ALDH5A1: variants seen among roughly 807,000 people sequenced by gnomAD.
The protein encoded by ALDH5A1 is succinate-semialdehyde dehydrogenase, mitochondrial.
A neutral mutation model predicts 54.7 loss-of-function variants in ALDH5A1; 33 were observed. The observed-to-expected ratio is 0.60, with a 90% CI of 0.46 to 0.81. The LOEUF is 0.81. Among genes scored for constraint, ALDH5A1 ranks in the 30% least tolerant of loss-of-function variants. The pLI, the probability that ALDH5A1 is intolerant of heterozygous loss-of-function variation, is 0.00. For missense variants in ALDH5A1, 657 were observed against 711.0 expected, an observed-to-expected ratio of 0.92 and a Z score of 0.86; for synonymous variants, 294 against 292.7, an observed-to-expected ratio of 1.00 and a Z score of -0.05.
intron 4 of ALDH5A1, among the ~76,000 whole-genome samples, chr6:24,506,587 A>T (rs1759363478): frequency 6.6e-6 from 1 of 152,150 alleles, no homozygotes; most frequent in African/African-American, 2.4e-5. Flanking sequence ...AAATGACTGA[A>T]TTAATATTCT....
intron 4 of ALDH5A1, 136 bp from the exon 5 acceptor site, chr6:24,515,031 G>A: frequency 1.2e-6 from 1 of 844,438 alleles, no homozygotes; most frequent in Non-Finnish European, 1.9e-6. Context: ...TATATTCTTA[G>A]TCTGTCCCCA....
In ALDH5A1 at chr6:24,533,635, G is replaced by A. The variant is rs377658514; in HGVS notation, c.1531G>A (p.Gly511Ser). 5.6e-5 allele frequency: 90 copies of A among 1,613,938 alleles called. No individual in the cohort carries two copies. The African/African-American group carries it at 9.9e-4, about 18-fold the overall frequency. Reference protein sequence around the residue: ...ECPFGGVKQSGLGREGSKYGI... With the variant: ...ECPFGGVKQSSLGREGSKYGI... Reference sequence around the variant, plus strand: ...CCCTTTTGGTGGAGTGAAGCAGTCCGGCCTTGGGCGAGAGGGGTCCAAGTA... The same window carrying A: ...CCCTTTTGGTGGAGTGAAGCAGTCCAGCCTTGGGCGAGAGGGGTCCAAGTA... Residue 511 changes from glycine (G) to serine (S), a missense_variant, in exon 10 of 10, where the codon GGC becomes AGC. Gly to Ser is a moderately conservative substitution (Grantham distance 56). Around this residue, in one of 2 missense-constraint regions of ALDH5A1, gnomAD observed 425 missense variants for 516.4 expected, o/e 0.82. Transcript: ENST00000357578.
intron 1 of ALDH5A1, among the ~76,000 whole-genome samples, chr6:24,495,835 C>CATGATTCTCTCCCAGAATCATG (rs1483258466): frequency 6.6e-6 from 1 of 152,114 alleles, no homozygotes; most frequent in Non-Finnish European, 1.5e-5. Context: ...GGATCGGAAA[C>CATGATTCTCTCCCAGAATCATG]GGAGAGAACT....
intron 5 of ALDH5A1, among the ~76,000 whole-genome samples, chr6:24,516,243 T>C (rs1485491164): frequency 6.6e-6 from 1 of 151,850 alleles, no homozygotes; most frequent in African/African-American, 2.4e-5. Context: ...AAGACCATCC[T>C]GGCTAACACG....
chr6:24,523,017 G>T (rs1033094964), intron 7 of ALDH5A1, 92 bp downstream of exon 7: 42 of 470,936 alleles, frequency 8.9e-5, no homozygotes, highest in East Asian at 2.0e-4. Flanking sequence ...GAGGGGTGGG[G>T]ATAGAGAGGG....
chr6:24,507,130 T>A (rs889024441), intron 4 of ALDH5A1, among the ~76,000 whole-genome samples: 2 of 152,226 alleles, frequency 1.3e-5, no homozygotes, highest in East Asian at 3.9e-4. Context: ...TAGACTTAGT[T>A]GAACAAGCAG....
rs1332983955 is a variant in ALDH5A1 at position 24,509,941 on chromosome 6, G to A, written c.726+4956G>A. Among the ~76,000 whole-genome samples the A allele has an allele frequency of 6.6e-6, 1 of 151,906 alleles. No individual in the cohort carries two copies. Among genetic ancestry groups the A allele is most frequent in the Non-Finnish European group, 1.5e-5 (1 of 67,982 alleles). On this transcript the variant is annotated intron_variant, in intron 4 of 9. Coordinates refer to ENST00000357578, the MANE Select transcript of ALDH5A1 (RefSeq NM_001080.3). The surrounding 1 kb of genome is among the most constrained non-coding windows in gnomAD (Gnocchi z 4.7). ...CAGACTTTTTGATGTAAGCATTTAG[G>A]GCCATGAACTTGGCTCTTGGCACCA...
intron 6 of ALDH5A1, 151 bp downstream of exon 6, chr6:24,520,695 C>A: frequency 1.7e-6 from 2 of 1,205,762 alleles, no homozygotes; most frequent in Non-Finnish European, 2.3e-6. Context: ...TGCCTTATAT[C>A]CCATAAGGAA....
chr6:24,504,240 T>C (rs1169406881), intron 3 of ALDH5A1, among the ~76,000 whole-genome samples: 1 of 152,240 alleles, frequency 6.6e-6, no homozygotes, highest in Non-Finnish European at 1.5e-5. Context: ...ATTTAATTAA[T>C]TTTAATTTTG....
chr6:24,505,068 G>A (rs564943709), intron 4 of ALDH5A1, 83 bp downstream of exon 4: 1 of 1,435,100 alleles, frequency 7.0e-7, no homozygotes, highest in Non-Finnish European at 9.8e-7. Context: ...AGCAATTTTG[G>A]AGCCTACTTC....
intron 8 of ALDH5A1, among the ~76,000 whole-genome samples, chr6:24,531,270 CTTTGT>C (rs1214099007): frequency 3.3e-5 from 5 of 152,170 alleles, no homozygotes; most frequent in East Asian, 1.9e-4. Context: ...CTTTCATCTT[CTTTGT>C]TTTAATAAAA....
At position 24,495,903 on chromosome 6, in the gene ALDH5A1, T is replaced by A. The variant is rs555179942; in HGVS notation, c.354+553T>A. Among the ~76,000 whole-genome samples the A allele has an allele frequency of 1.1e-4, 16 of 152,154 alleles. No individual in the cohort carries two copies. The South Asian group carries it at 2.9e-3, about 28-fold the overall frequency. ...GAGAAATCCAGGAGCGTTCTCCAGG[T>A]TTTCACCCTAAATGGATAAATGCTG... is the stretch of plus-strand genomic sequence containing the variant. On this transcript the variant is annotated intron_variant, in intron 1 of 9. Coordinates refer to ENST00000357578, the MANE Select transcript of ALDH5A1 (RefSeq NM_001080.3).
chr6:24,504,985 G>A lies in ALDH5A1; in HGVS notation c.726G>A (p.Glu242=). ...CCTTCTCCGCCCTGGCCCTGGCTGAGGTGAGCCGCTCTCCCTGTGTTTGTA... is the reference window on the plus strand; with the variant it reads ...CCTTCTCCGCCCTGGCCCTGGCTGAAGTGAGCCGCTCTCCCTGTGTTTGTA... ...DTPFSALALA[E]LASQAGIPSG... is the part of the protein sequence containing the mutation. Residue 242 remains glutamate, a splice_region_variant and synonymous_variant, in exon 4 of 10, where the codon GAG becomes GAA. Coordinates refer to ENST00000357578, the MANE Select transcript of ALDH5A1 (RefSeq NM_001080.3). 1 of 1,613,784 alleles carries A rather than the reference G, an allele frequency of 6.2e-7. No homozygotes were observed.
chr6:24,530,955 G>C (rs369714803), intron 8 of ALDH5A1, among the ~76,000 whole-genome samples: 1 of 152,212 alleles, frequency 6.6e-6, no homozygotes, highest in African/African-American at 2.4e-5. Context: ...TCGCTCTCAC[G>C]TGAGGCCATC....
intron 4 of ALDH5A1, among the ~76,000 whole-genome samples, chr6:24,514,349 A>T (rs1759520564): frequency 6.6e-6 from 1 of 152,224 alleles, no homozygotes; most frequent in African/African-American, 2.4e-5. Flanking sequence ...TGAATCAAGT[A>T]ACTTTTTTCT....
intron 5 of ALDH5A1, among the ~76,000 whole-genome samples, chr6:24,517,149 G>A (rs1759591188): frequency 1.3e-5 from 2 of 152,100 alleles, no homozygotes; most frequent in African/African-American, 4.8e-5. Context: ...AGGATTACAG[G>A]CATGTGCCAC....
intron 5 of ALDH5A1, among the ~76,000 whole-genome samples, chr6:24,516,798 A>G (rs1759584001): frequency 6.6e-6 from 1 of 152,034 alleles, no homozygotes; most frequent in South Asian, 2.1e-4. Flanking sequence ...TGGCACACAC[A>G]TGTAGTCCCA....
Position 24,509,303 on chromosome 6 carries a change from G to A in ALDH5A1, c.726+4318G>A, listed in dbSNP as rs1288448428. ...TGAGTTTATTTTGTATAAGGTGAGC[G>A]ATGAGGATCCAGTTTTATTTTCCCA... On this transcript the variant is annotated intron_variant, in intron 4 of 9. Coordinates refer to ENST00000357578, the MANE Select transcript of ALDH5A1 (RefSeq NM_001080.3). The surrounding 1 kb of genome is among the most constrained non-coding windows in gnomAD (Gnocchi z 4.7). Among the ~76,000 whole-genome samples the A allele has an allele frequency of 2.6e-5, 4 of 152,156 alleles. No homozygotes were observed. The highest frequency in any genetic ancestry group is 6.5e-5 in the Admixed American group (1 of 15,268).
At chr6:24,524,048 A>G (rs1166125799) in intron 7 of ALDH5A1, among the ~76,000 whole-genome samples, 1 of 137,922 alleles carries the variant, frequency 7.3e-6, no homozygotes, top group East Asian at 2.2e-4. Context: ...TATAGTGGTG[A>G]GTCTTGACTC....
Sources: allele counts gnomAD v4.1 joint callset (sites outside exome capture counted in the v4.1 genomes callset), GRCh38; gene constraint gnomAD v4.1.1; regional missense constraint gnomAD v4.1.1; non-coding constraint Gnocchi (gnomAD v3.1); transcripts MANE v1.5; gene names NCBI Gene and HGNC (gene_info 2026-07-23, HGNC 2026-07-21).